The following MBNL2 variants were observed in gnomAD, a reference collection of about 807,000 sequenced individuals.
MBNL2 encodes the protein muscleblind like splicing regulator 2, also known as muscleblind-like protein 2.
A neutral mutation model predicts 41.9 loss-of-function variants in MBNL2; 17 were observed. The observed-to-expected ratio is 0.41, with a 90% CI of 0.28 to 0.61. The LOEUF (loss-of-function observed/expected upper bound fraction) is 0.61, where lower values mean the gene tolerates loss of function less well. Among genes scored for constraint, MBNL2 ranks in the 20% least tolerant of loss-of-function variants. MBNL2 has a pLI of 0.35. For missense variants in MBNL2, 336 were observed against 505.6 expected (o/e 0.66, Z 3.22); for synonymous variants, 195 against 182.9 (o/e 1.07, Z -0.53).
rs1314897623 is a variant in MBNL2, at chr13:97,323,687, T to C, written c.175-10589T>C. Reference sequence around the variant, plus strand: ...ACTGTGGGATACAGATGTCATGTGATGGTGTTTATAAGGCTTCAGGAAGTA... The same window carrying C: ...ACTGTGGGATACAGATGTCATGTGACGGTGTTTATAAGGCTTCAGGAAGTA... On this transcript the variant is annotated intron_variant, in intron 2 of 8. Coordinates refer to ENST00000679496, the MANE Select transcript of MBNL2 (RefSeq NM_001382683.1). Among the ~76,000 whole-genome samples, 5 of 152,312 alleles carry C rather than the reference T, an allele frequency of 3.3e-5. No individual in the cohort carries two copies. In the East Asian group the frequency reaches 9.6e-4, roughly 29 times the overall value.
the MBNL2 span, among the ~76,000 whole-genome samples, chr13:97,176,541 C>A: frequency 6.6e-6 from 1 of 152,132 alleles, no homozygotes; most frequent in Non-Finnish European, 1.5e-5. Context: ...GCATTATACT[C>A]CTCTAGAGGG....
chr13:97,160,375 G>T, the MBNL2 span, among the ~76,000 whole-genome samples: 2 of 152,258 alleles, frequency 1.3e-5, no homozygotes, highest in East Asian at 3.9e-4. Context: ...AATTTTTGCT[G>T]CAAGTTAAGT....
the MBNL2 span, among the ~76,000 whole-genome samples, chr13:97,148,741 G>T: frequency 6.4e-3 from 971 of 152,252 alleles, 5 homozygotes; most frequent in Non-Finnish European, 0.01. Flanking sequence ...TTATGCTAAG[G>T]TATACCTTGT....
upstream of MBNL2, among the ~76,000 whole-genome samples, chr13:97,218,577 G>T (rs2040608773): frequency 6.6e-6 from 1 of 151,908 alleles, no homozygotes; most frequent in Admixed American, 6.6e-5. Context: ...CTTTCCTCTG[G>T]CCACCTCCTT....
intron 2 of MBNL2, among the ~76,000 whole-genome samples, chr13:97,280,682 T>G (rs1475423557): frequency 6.6e-6 from 1 of 152,100 alleles, no homozygotes; most frequent in East Asian, 1.9e-4. Flanking sequence ...TTCATTTCTA[T>G]CGCCACCACT....
At chr13:97,374,272 C>T (rs1281524294) in intron 8 of MBNL2, among the ~76,000 whole-genome samples, 1 of 150,528 alleles carries the variant, frequency 6.6e-6, no homozygotes, top group African/African-American at 2.4e-5. Context: ...CTCAGCCTCC[C>T]GAGTAGCTGG....
chr13:97,304,958 A>G (rs2057990910), intron 2 of MBNL2, among the ~76,000 whole-genome samples: 1 of 152,218 alleles, frequency 6.6e-6, no homozygotes. Context: ...TGATTTTTAT[A>G]TTGACCTTCT....
chr13:97,288,935 T>C (rs962589996), intron 2 of MBNL2, among the ~76,000 whole-genome samples: 1 of 152,208 alleles, frequency 6.6e-6, no homozygotes, highest in African/African-American at 2.4e-5. Flanking sequence ...GACCATTTTC[T>C]TATGCCTGAG....
chr13:97,235,406 G>GA (rs1594071320), intron 1 of MBNL2, among the ~76,000 whole-genome samples: 1 of 152,124 alleles, frequency 6.6e-6, no homozygotes, highest in African/African-American at 2.4e-5. Flanking sequence ...TAATTGATCA[G>GA]AAAATGTAAC....
the MBNL2 span, among the ~76,000 whole-genome samples, chr13:97,186,875 C>T: frequency 1.4e-3 from 214 of 152,280 alleles, 1 homozygote; most frequent in African/African-American, 5.0e-3. Flanking sequence ...GCATTTCACA[C>T]GTGACACCTC....
At chr13:97,287,214 C>A (rs1383652731) in intron 2 of MBNL2, among the ~76,000 whole-genome samples, 2 of 152,134 alleles carry the variant, frequency 1.3e-5, no homozygotes, top group Non-Finnish European at 2.9e-5. Context: ...GACTTGCTCA[C>A]AGGTGTCAGC....
At chr13:97,160,261 T>A in the MBNL2 span, among the ~76,000 whole-genome samples, 2 of 152,192 alleles carry the variant, frequency 1.3e-5, no homozygotes, top group Non-Finnish European at 2.9e-5. Context: ...GTAAGAAAAT[T>A]CCAAACTGCA....
the MBNL2 span, among the ~76,000 whole-genome samples, chr13:97,145,729 T>C: frequency 6.6e-6 from 1 of 152,202 alleles, no homozygotes. Flanking sequence ...TATGAAATAA[T>C]AGTTTGTTGC....
intron 1 of MBNL2, among the ~76,000 whole-genome samples, chr13:97,223,426 C>G (rs1291819411): frequency 6.6e-6 from 1 of 152,192 alleles, no homozygotes; most frequent in Non-Finnish European, 1.5e-5. Flanking sequence ...TCTTTCTGCC[C>G]TTTTCCGTTT....
At chr13:97,358,238 T>C (rs898330676) in intron 7 of MBNL2, among the ~76,000 whole-genome samples, 2 of 152,202 alleles carry the variant, frequency 1.3e-5, no homozygotes, top group East Asian at 1.9e-4. Flanking sequence ...TCCATTGTAA[T>C]AGTCATAGAA....
In MBNL2 at chr13:97,287,486, C is replaced by A. The variant is rs576596290; in HGVS notation, c.174+11077C>A. On this transcript the variant is annotated intron_variant, in intron 2 of 8. Transcript: ENST00000679496. ...AGATCAGGGCAATTAGCATATCCATCAAACATTTATCATTTCTTTGTGTTG... is the reference window on the plus strand; with the variant it reads ...AGATCAGGGCAATTAGCATATCCATAAAACATTTATCATTTCTTTGTGTTG... Among the ~76,000 whole-genome samples the A allele has an allele frequency of 5.9e-5, 9 of 152,202 alleles. No individual in the cohort carries two copies. In the South Asian group the frequency reaches 1.7e-3, roughly 28 times the overall value.
At chr13:97,309,938 A>C (rs1169991745) in intron 2 of MBNL2, among the ~76,000 whole-genome samples, 1 of 152,226 alleles carries the variant, frequency 6.6e-6, no homozygotes, top group Non-Finnish European at 1.5e-5. Flanking sequence ...AATAGCACAG[A>C]GAAGGACTAT....
Position 97,334,641 on chromosome 13 carries a change from C to T in MBNL2, c.339+201C>T, listed in dbSNP as rs551301717. ...TATTTGTGGAAATAGGAGGCAAAGA[C>T]AATTTCTAATCAATATCTGGGAAAT... On this transcript the variant is annotated intron_variant, in intron 3 of 8. Coordinates refer to ENST00000679496, the MANE Select transcript of MBNL2 (RefSeq NM_001382683.1). The surrounding 1 kb of genome is among the most constrained non-coding windows in gnomAD (Gnocchi z 5.3). Among the ~76,000 whole-genome samples the T allele has an allele frequency of 3.9e-5, 6 of 152,284 alleles. No homozygotes were observed. The highest frequency in any genetic ancestry group is 9.6e-5 in the African/African-American group (4 of 41,562).
chr13:97,297,344 T>TA (rs2057152946), intron 2 of MBNL2, among the ~76,000 whole-genome samples: 1 of 152,150 alleles, frequency 6.6e-6, no homozygotes, highest in South Asian at 2.1e-4. Flanking sequence ...TACAGTATGA[T>TA]AAGTACCAGG....
Sources: allele counts gnomAD v4.1 joint callset (sites outside exome capture counted in the v4.1 genomes callset), GRCh38; gene constraint gnomAD v4.1.1; non-coding constraint Gnocchi (gnomAD v3.1); transcripts MANE v1.5; gene names NCBI Gene and HGNC (gene_info 2026-07-23, HGNC 2026-07-21).